XIRP2: variants seen among roughly 807,000 people sequenced by gnomAD.
XIRP2 encodes xin actin-binding repeat-containing protein 2.
A neutral mutation model predicts 277.0 loss-of-function variants in XIRP2; 236 were observed. The observed-to-expected ratio is 0.85, with a 90% CI of 0.77 to 0.95. XIRP2 has a LOEUF of 0.95. Ranked by LOEUF, XIRP2 falls within the 40% of genes least tolerant of loss-of-function variation. The pLI is 0.00. For synonymous variants in XIRP2, 1,490 were observed against 1,416.5 expected, an observed-to-expected ratio of 1.05 and a Z score of -1.17; for missense variants, 4,640 against 4,157.5, an observed-to-expected ratio of 1.12 and a Z score of -3.19.
intron 2 of XIRP2, among the ~76,000 whole-genome samples, chr2:167,099,198 C>T (rs1690418584): frequency 6.6e-6 from 1 of 152,072 alleles, no homozygotes; most frequent in Admixed American, 6.5e-5. Flanking sequence ...TCTGAGATGC[C>T]CTGCCCAGAA....
intron 2 of XIRP2, among the ~76,000 whole-genome samples, chr2:166,998,918 G>A (rs1294602447): frequency 6.6e-6 from 1 of 152,170 alleles, no homozygotes; most frequent in East Asian, 1.9e-4. Flanking sequence ...CAATTTTGAT[G>A]TACCTCTGTT....
At chr2:167,239,532 G>A (rs1694992959) in intron 5 of XIRP2, among the ~76,000 whole-genome samples, 1 of 152,190 alleles carries the variant, frequency 6.6e-6, no homozygotes, top group Non-Finnish European at 1.5e-5. Context: ...TGTTAGCCCA[G>A]GGAAGTGGGC....
chr2:167,122,277 G>A (rs980932670), intron 2 of XIRP2, among the ~76,000 whole-genome samples: 7 of 152,118 alleles, frequency 4.6e-5, no homozygotes, highest in Non-Finnish European at 1.0e-4. Context: ...ACCAAAAATG[G>A]GGTAAGAACC....
At chr2:166,913,194 C>T (rs905731317) in intron 2 of XIRP2, among the ~76,000 whole-genome samples, 3 of 152,270 alleles carry the variant, frequency 2.0e-5, no homozygotes, top group East Asian at 1.9e-4. Flanking sequence ...TATGCTTTGC[C>T]CCCCAGAGGT....
intron 3 of XIRP2, among the ~76,000 whole-genome samples, chr2:167,182,854 A>G (rs907042183): frequency 1.3e-5 from 2 of 152,216 alleles, no homozygotes; most frequent in Non-Finnish European, 2.9e-5. Context: ...CTTTTATTGG[A>G]AAGTTTTTAT....
chr2:166,903,104 T>C (rs1301869177), intron 1 of XIRP2, among the ~76,000 whole-genome samples: 1 of 152,144 alleles, frequency 6.6e-6, no homozygotes, highest in African/African-American at 2.4e-5. Flanking sequence ...TGCCCTTTTC[T>C]TAGAATATAC....
intron 2 of XIRP2, among the ~76,000 whole-genome samples, chr2:167,126,983 T>A (rs989232917): frequency 6.6e-6 from 1 of 152,166 alleles, no homozygotes; most frequent in African/African-American, 2.4e-5. Context: ...ACTATTCAAA[T>A]TTTTTAGGAT....
At chr2:167,201,072 G>A (rs986235381) in intron 3 of XIRP2, among the ~76,000 whole-genome samples, 3 of 151,390 alleles carry the variant, frequency 2.0e-5, no homozygotes, top group Non-Finnish European at 4.4e-5. Context: ...GTTGCAGTGA[G>A]CCGAGATCAT....
intron 2 of XIRP2, among the ~76,000 whole-genome samples, chr2:167,104,343 C>A (rs998644589): frequency 6.6e-6 from 1 of 151,954 alleles, no homozygotes; most frequent in African/African-American, 2.4e-5. Context: ...AATTATAAGT[C>A]CCCCTTAGTA....
intron 2 of XIRP2, among the ~76,000 whole-genome samples, chr2:166,946,199 A>G (rs1373420568): frequency 6.6e-6 from 1 of 152,218 alleles, no homozygotes; most frequent in Non-Finnish European, 1.5e-5. Context: ...ATGAGCTAAA[A>G]GGAGAGTATC....
intron 2 of XIRP2, among the ~76,000 whole-genome samples, chr2:167,096,918 T>C (rs1197228615): frequency 1.3e-5 from 2 of 152,202 alleles, no homozygotes; most frequent in Admixed American, 1.3e-4. Context: ...GGCTGTTTGT[T>C]ATGATTTCCA....
rs776501068 is a variant in XIRP2, at chr2:167,247,692, G to A, written c.6300G>A (p.Arg2100=). The A allele has an allele frequency of 6.2e-7, 1 of 1,613,592 alleles. No individual in the cohort carries two copies. The highest frequency in any genetic ancestry group is 1.7e-5 in the Admixed American group (1 of 59,948). The change falls in exon 9 of 11, where the codon AGG becomes AGA. Residue 2100 remains arginine, a synonymous_variant. Transcript: ENST00000409195. ...ATCTAACAACTAAAGAATCAGACAGGGCAGTGAGAGAGCTGAAGAAGGATG... is the reference window on the plus strand; with the variant it reads ...ATCTAACAACTAAAGAATCAGACAGAGCAGTGAGAGAGCTGAAGAAGGATG... ...KNNLTTKESD[R]AVRELKKDDV...
chr2:167,094,044 A>C (rs1350141688), intron 2 of XIRP2, among the ~76,000 whole-genome samples: 1 of 151,584 alleles, frequency 6.6e-6, no homozygotes, highest in East Asian at 1.9e-4. Context: ...TTGTGATTTT[A>C]ATTTGCATTT....
chr2:166,935,541 C>G (rs1190155073), intron 2 of XIRP2, among the ~76,000 whole-genome samples: 1 of 152,122 alleles, frequency 6.6e-6, no homozygotes, highest in African/African-American at 2.4e-5. Flanking sequence ...GTAGGTATAT[C>G]TCCTAATGTT....
At chr2:167,041,186 A>G (rs1688652961) in intron 2 of XIRP2, among the ~76,000 whole-genome samples, 1 of 152,168 alleles carries the variant, frequency 6.6e-6, no homozygotes, top group Non-Finnish European at 1.5e-5. Flanking sequence ...CCGGACAGTA[A>G]CTTCAAACAT....
chr2:166,977,487 T>C (rs1449755234), intron 2 of XIRP2, among the ~76,000 whole-genome samples: 1 of 152,158 alleles, frequency 6.6e-6, no homozygotes, highest in Non-Finnish European at 1.5e-5. Context: ...ATCATATCAA[T>C]TGTACTGTTA....
chr2:167,243,549 G>C lies in XIRP2; in HGVS notation c.2157G>C (p.Arg719Ser), dbSNP rs376090571. The change falls in exon 9 of 11, where the codon AGG (arginine) becomes AGC (serine). Residue 719 changes from arginine to serine, a missense_variant. Coordinates refer to ENST00000409195, the MANE Select transcript of XIRP2 (RefSeq NM_152381.6). The stretch of plus-strand genomic sequence containing the variant: ...ATGAGGTTCATTTACTGCAGCTTAG[G>C]TCTGAGCTCAAAGAAATTAAGGGAA... ...SVDEVHLLQL[R>S]SELKEIKGNV... The C allele has an allele frequency of 3.7e-6, 6 of 1,613,848 alleles. No homozygotes were observed. The highest frequency in any genetic ancestry group is 5.1e-6 in the Non-Finnish European group (6 of 1,180,004).
chr2:167,098,644 C>G (rs573791512), intron 2 of XIRP2, among the ~76,000 whole-genome samples: 1 of 152,178 alleles, frequency 6.6e-6, no homozygotes, highest in Admixed American at 6.5e-5. Flanking sequence ...GAATTTTCAG[C>G]CTTTTTGCAT....
intron 3 of XIRP2, among the ~76,000 whole-genome samples, chr2:167,195,391 C>T (rs1693469200): frequency 6.6e-6 from 1 of 152,200 alleles, no homozygotes; most frequent in Non-Finnish European, 1.5e-5. Flanking sequence ...TCAATATATT[C>T]TCTCTGATCA....
Sources: allele counts gnomAD v4.1 joint callset (sites outside exome capture counted in the v4.1 genomes callset), GRCh38; gene constraint gnomAD v4.1.1; transcripts MANE v1.5; gene names NCBI Gene and HGNC (gene_info 2026-07-23, HGNC 2026-07-21).